The following HS2ST1 variants were observed in gnomAD, a reference collection of about 807,000 sequenced individuals.
HS2ST1 encodes the protein 2-O-sulfotransferase.
In HS2ST1, 18 loss-of-function variants were observed where a neutral mutation model predicts 42.9. The ratio of observed to expected loss-of-function variants is 0.42; its 90% CI spans 0.29 to 0.62. HS2ST1 has a LOEUF of 0.62. Among genes scored for constraint, HS2ST1 ranks in the 20% least tolerant of loss-of-function variants. The probability of loss-of-function intolerance (pLI) is 0.21; values close to 1 mark genes in which losing one functional copy is unlikely to be tolerated. For missense variants in HS2ST1, 334 were observed against 433.8 expected (o/e 0.77, Z 2.04); for synonymous variants, 146 against 152.9 (o/e 0.95, Z 0.33).
intron 1 of HS2ST1, among the ~76,000 whole-genome samples, chr1:86,929,475 A>G (rs759624285): frequency 2.6e-5 from 4 of 151,788 alleles, no homozygotes; most frequent in Non-Finnish European, 5.9e-5. Flanking sequence ...GTAGAAATCT[A>G]TTTGTTTTCA....
intron 1 of HS2ST1, among the ~76,000 whole-genome samples, chr1:87,007,819 T>C (rs761095342): frequency 3.9e-5 from 6 of 152,196 alleles, no homozygotes; most frequent in Non-Finnish European, 5.9e-5. Context: ...AAATTCTCCT[T>C]GAAGTGCTGT....
At chr1:87,076,591 A>G (rs1390446693) in intron 2 of HS2ST1, among the ~76,000 whole-genome samples, 1 of 152,186 alleles carries the variant, frequency 6.6e-6, no homozygotes, top group African/African-American at 2.4e-5. Context: ...GAAACTAAGC[A>G]ATTAGAATAA....
At chr1:86,947,477 A>G (rs7553225) in intron 1 of HS2ST1, among the ~76,000 whole-genome samples, 2 of 152,108 alleles carry the variant, frequency 1.3e-5, no homozygotes, top group Non-Finnish European at 2.9e-5. Flanking sequence ...ATGAAAGTTA[A>G]CTTGCTTTAG....
At chr1:86,932,753 A>G (rs1660570573) in intron 1 of HS2ST1, among the ~76,000 whole-genome samples, 1 of 152,210 alleles carries the variant, frequency 6.6e-6, no homozygotes, top group Non-Finnish European at 1.5e-5. Context: ...GGAGAAGTAC[A>G]GCAATCCAGG....
chr1:87,024,536 T>A (rs1170813779), intron 1 of HS2ST1, among the ~76,000 whole-genome samples: 1 of 150,108 alleles, frequency 6.7e-6, no homozygotes, highest in Non-Finnish European at 1.5e-5. Flanking sequence ...AAAGAAAGAA[T>A]CAGGCAGATT....
At position 87,018,611 on chromosome 1, in the gene HS2ST1, A is replaced by C. The variant is rs113557361; in HGVS notation, c.125-54323A>C. On this transcript the variant is annotated intron_variant, in intron 1 of 6. Coordinates refer to ENST00000370550, the MANE Select transcript of HS2ST1 (RefSeq NM_012262.4). ...CATGAATAGCTTTTCATGACGCTCT[A>C]AAGGACAGATTTCCAGCAAGTTCTG... Among the ~76,000 whole-genome samples, 47 of 152,268 alleles carry C rather than the reference A, an allele frequency of 3.1e-4. No individual in the cohort carries two copies. The South Asian group carries it at 5.8e-3, about 19-fold the overall frequency.
At chr1:87,072,076 T>C (rs933953362) in intron 1 of HS2ST1, among the ~76,000 whole-genome samples, 10 of 152,250 alleles carry the variant, frequency 6.6e-5, no homozygotes, top group African/African-American at 2.4e-4. Context: ...AGCTGAAGTT[T>C]GCATTAAATA....
chr1:87,095,250 A>G (rs1652033437), intron 4 of HS2ST1, among the ~76,000 whole-genome samples: 1 of 152,180 alleles, frequency 6.6e-6, no homozygotes, highest in Non-Finnish European at 1.5e-5. Context: ...GGCCATGATT[A>G]TGTTGGAAAT....
chr1:86,953,585 C>A (rs1465016244), intron 1 of HS2ST1, among the ~76,000 whole-genome samples: 6 of 152,034 alleles, frequency 3.9e-5, no homozygotes, highest in African/African-American at 1.4e-4. Context: ...CATGGTGAAA[C>A]CCTGTCTCTA....
chr1:87,064,821 C>T (rs534190835), intron 1 of HS2ST1, among the ~76,000 whole-genome samples: 1 of 152,096 alleles, frequency 6.6e-6, no homozygotes, highest in African/African-American at 2.4e-5. Flanking sequence ...CCACCACACT[C>T]AGCTAATTTT....
intron 1 of HS2ST1, among the ~76,000 whole-genome samples, chr1:87,030,918 T>C (rs1325663640): frequency 6.6e-6 from 1 of 152,122 alleles, no homozygotes; most frequent in Non-Finnish European, 1.5e-5. Context: ...ACTAAGTTGT[T>C]TGGTTCTTTA....
At chr1:87,060,683 G>A (rs560967994) in intron 1 of HS2ST1, among the ~76,000 whole-genome samples, 2 of 152,246 alleles carry the variant, frequency 1.3e-5, no homozygotes, top group African/African-American at 4.8e-5. Flanking sequence ...TAGGTGATTA[G>A]TGTATTTCTC....
intron 1 of HS2ST1, among the ~76,000 whole-genome samples, chr1:86,987,331 C>A (rs1648817256): frequency 6.6e-6 from 1 of 152,058 alleles, no homozygotes; most frequent in Non-Finnish European, 1.5e-5. Context: ...GCCTCGGCCC[C>A]CCAAAGTGCT....
At chr1:87,005,822 T>C (rs1649423700) in intron 1 of HS2ST1, among the ~76,000 whole-genome samples, 1 of 152,172 alleles carries the variant, frequency 6.6e-6, no homozygotes, top group Non-Finnish European at 1.5e-5. Context: ...AAAATAACTT[T>C]TTAGAATTTT....
chr1:86,961,996 A>G (rs1203341409), intron 1 of HS2ST1, among the ~76,000 whole-genome samples: 6 of 152,120 alleles, frequency 3.9e-5, no homozygotes, highest in Admixed American at 1.3e-4. Flanking sequence ...TCACCCACTT[A>G]TCACTGATGG....
intron 1 of HS2ST1, among the ~76,000 whole-genome samples, chr1:86,979,298 A>G (rs2102218344): frequency 6.6e-6 from 1 of 152,298 alleles, no homozygotes; most frequent in Middle Eastern, 3.4e-3. Context: ...ATCACTATCT[A>G]TTTACAGAAC....
At chr1:87,088,551 T>C (rs1651867213) in intron 3 of HS2ST1, among the ~76,000 whole-genome samples, 1 of 152,218 alleles carries the variant, frequency 6.6e-6, no homozygotes, top group African/African-American at 2.4e-5. Flanking sequence ...TGCGGACTTA[T>C]GTCTTAACTT....
chr1:86,915,194 T>G, intron 1 of HS2ST1, 34 bp downstream of exon 1: 3 of 1,591,472 alleles, frequency 1.9e-6, no homozygotes, highest in Non-Finnish European at 2.6e-6. Context: ...CTGAGTGCTG[T>G]GGAAGGGGCC....
intron 1 of HS2ST1, among the ~76,000 whole-genome samples, chr1:86,922,708 T>C (rs1035693589): frequency 5.3e-5 from 8 of 152,192 alleles, no homozygotes; most frequent in Non-Finnish European, 8.8e-5. Flanking sequence ...TCATTCTTTG[T>C]TCAACTATAT....
Sources: allele counts gnomAD v4.1 joint callset (sites outside exome capture counted in the v4.1 genomes callset), GRCh38; gene constraint gnomAD v4.1.1; transcripts MANE v1.5; gene names NCBI Gene and HGNC (gene_info 2026-07-23, HGNC 2026-07-21).